The following SV2C variants were observed in gnomAD, a reference collection of about 807,000 sequenced individuals.
SV2C encodes solute carrier family 22 member B3.
A neutral mutation model predicts 79.7 loss-of-function variants in SV2C; 49 were observed. That is an observed-to-expected ratio of 0.61 (90% CI 0.49 to 0.78). The LOEUF (loss-of-function observed/expected upper bound fraction) is 0.78, where lower values mean the gene tolerates loss of function less well. Ranked by LOEUF, SV2C falls within the 30% of genes least tolerant of loss-of-function variation. The pLI, the probability that SV2C is intolerant of heterozygous loss-of-function variation, is 0.00. For synonymous variants in SV2C, 334 were observed against 333.2 expected (o/e 1.00, Z -0.03); for missense variants, 833 against 912.9 (o/e 0.91, Z 1.13).
chr5:75,966,521 C>T, the SV2C span, among the ~76,000 whole-genome samples: 2 of 152,194 alleles, frequency 1.3e-5, no homozygotes, highest in Non-Finnish European at 2.9e-5. Flanking sequence ...AAGACACTCC[C>T]ACCAGTGCCA....
rs888968035 is a variant in SV2C, at chr5:76,301,027, T to A, written c.1840+95T>A. ...TACTCCCATCTATTAGGGATTTGCA[T>A]CCAATAAGGAGAAATCCTTTAGACC... On this transcript the variant is annotated intron_variant, in intron 11 of 12. Transcript: ENST00000502798. 11 of 1,353,500 alleles carry A rather than the reference T, an allele frequency of 8.1e-6. No individual in the cohort carries two copies. The African/African-American group carries it at 1.5e-4, about 18-fold the overall frequency. 83.8% of individuals were successfully genotyped at this position (1,353,500 alleles called of 1,614,324 possible).
the SV2C span, among the ~76,000 whole-genome samples, chr5:76,047,888 A>G: frequency 1.3e-5 from 2 of 150,258 alleles, no homozygotes; most frequent in Non-Finnish European, 3.0e-5. Flanking sequence ...GCCTCAGCCT[A>G]GCCTCCCTGG....
chr5:76,223,138 T>A (rs1561270939), intron 4 of SV2C, among the ~76,000 whole-genome samples: 1 of 152,102 alleles, frequency 6.6e-6, no homozygotes, highest in African/African-American at 2.4e-5. Context: ...TAAGCCTTCA[T>A]CATTTGCCAT....
the SV2C span, among the ~76,000 whole-genome samples, chr5:76,069,419 G>A: frequency 6.6e-6 from 1 of 152,134 alleles, no homozygotes; most frequent in Admixed American, 6.5e-5. Flanking sequence ...TTTCAGTCAA[G>A]CCTCTGACAT....
At chr5:75,945,252 T>C in the SV2C span, among the ~76,000 whole-genome samples, 1 of 151,976 alleles carries the variant, frequency 6.6e-6, no homozygotes, top group Non-Finnish European at 1.5e-5. Flanking sequence ...AGACAATCAA[T>C]TTGAAATAAT....
At chr5:76,336,744 C>A (rs2112582117), downstream of SV2C, among the ~76,000 whole-genome samples, 1 of 152,360 alleles carries the variant, frequency 6.6e-6, no homozygotes, top group African/African-American at 2.4e-5. Context: ...AACACAAAAA[C>A]CAGTCAGGCG....
At chr5:76,285,667 A>G (rs1490301368) in intron 5 of SV2C, 114 bp from the exon 6 acceptor site, 1 of 807,164 alleles carries the variant, frequency 1.2e-6, no homozygotes, top group African/African-American at 1.7e-5. Context: ...ATGTACTGAG[A>G]TACATTTGCA....
At chr5:76,223,903 G>T (rs1299566850) in intron 4 of SV2C, among the ~76,000 whole-genome samples, 1 of 152,074 alleles carries the variant, frequency 6.6e-6, no homozygotes, top group Non-Finnish European at 1.5e-5. Context: ...TGCTGTGTCT[G>T]TACGTGGTGG....
chr5:76,318,807 C>T (rs948369924), intron 12 of SV2C, among the ~76,000 whole-genome samples: 5 of 152,146 alleles, frequency 3.3e-5, no homozygotes, highest in African/African-American at 1.2e-4. Context: ...TTCATTCTTT[C>T]CCTTCAGTGC....
the SV2C span, among the ~76,000 whole-genome samples, chr5:76,033,534 G>T: frequency 6.6e-6 from 1 of 152,102 alleles, no homozygotes; most frequent in Non-Finnish European, 1.5e-5. Context: ...TTTTTCTCAG[G>T]TTTGTCAAAG....
chr5:76,141,986 A>C (rs905863963), intron 2 of SV2C, among the ~76,000 whole-genome samples: 1 of 152,156 alleles, frequency 6.6e-6, no homozygotes, highest in African/African-American at 2.4e-5. Context: ...GCACCCTTTC[A>C]TGTGAAATCT....
the SV2C span, among the ~76,000 whole-genome samples, chr5:76,077,720 G>A: frequency 1.3e-5 from 2 of 152,290 alleles, no homozygotes; most frequent in Non-Finnish European, 2.9e-5. Flanking sequence ...GGGGCATTTG[G>A]TCAAGACTAC....
intron 12 of SV2C, among the ~76,000 whole-genome samples, chr5:76,341,408 C>A (rs1308904051): frequency 6.6e-6 from 1 of 152,080 alleles, no homozygotes; most frequent in African/African-American, 2.4e-5. Context: ...ACACATATGA[C>A]CATGTGAACA....
At chr5:76,145,656 C>T (rs1167478752) in intron 2 of SV2C, among the ~76,000 whole-genome samples, 3 of 152,132 alleles carry the variant, frequency 2.0e-5, no homozygotes, top group Admixed American at 6.5e-5. Context: ...GAGACAGAAT[C>T]GACAGGGAGA....
At chr5:76,102,319 A>G (rs537599177) in intron 1 of SV2C, among the ~76,000 whole-genome samples, 1 of 151,874 alleles carries the variant, frequency 6.6e-6, no homozygotes, top group South Asian at 2.1e-4. Context: ...CCACCCACCC[A>G]CCAGATCACA....
chr5:76,187,516 A>G (rs1357846358), intron 2 of SV2C, among the ~76,000 whole-genome samples: 1 of 152,176 alleles, frequency 6.6e-6, no homozygotes, highest in Non-Finnish European at 1.5e-5. Flanking sequence ...CTAGCTAAGA[A>G]GAGCTGGCTT....
the SV2C span, among the ~76,000 whole-genome samples, chr5:76,012,193 C>T: frequency 1.3e-5 from 2 of 152,176 alleles, no homozygotes; most frequent in Admixed American, 6.5e-5. Flanking sequence ...CACTGTCTTC[C>T]ACAATGGTTG....
At chr5:76,005,226 T>C in the SV2C span, among the ~76,000 whole-genome samples, 1 of 152,222 alleles carries the variant, frequency 6.6e-6, no homozygotes, top group Non-Finnish European at 1.5e-5. Flanking sequence ...GTTTTGCTTT[T>C]ATTTGTTTTA....
chr5:75,873,080 C>A, the SV2C span, among the ~76,000 whole-genome samples: 1 of 151,972 alleles, frequency 6.6e-6, no homozygotes. Context: ...TTAAAAATAT[C>A]TGTACATCAA....
Sources: allele counts gnomAD v4.1 joint callset (sites outside exome capture counted in the v4.1 genomes callset), GRCh38; gene constraint gnomAD v4.1.1; transcripts MANE v1.5; gene names NCBI Gene and HGNC (gene_info 2026-07-23, HGNC 2026-07-21).